DCC: variants seen among roughly 807,000 people sequenced by gnomAD.
The protein encoded by DCC is netrin receptor DCC.
Under a neutral mutation model 172.5 loss-of-function variants are expected in DCC, and 58 were observed. The ratio of observed to expected loss-of-function variants is 0.34; its 90% CI spans 0.27 to 0.42. DCC has a LOEUF of 0.42. Ranked by LOEUF, DCC falls within the 10% of genes least tolerant of loss-of-function variation. The probability of loss-of-function intolerance (pLI) is 1.00; values close to 1 mark genes in which losing one functional copy is unlikely to be tolerated. For missense variants in DCC, 1,740 were observed against 1,791.0 expected (o/e 0.97, Z 0.51); for synonymous variants, 709 against 644.5 (o/e 1.10, Z -1.52).
At chr18:52,539,441 A>G (rs1453569256) in intron 1 of DCC, among the ~76,000 whole-genome samples, 1 of 152,176 alleles carries the variant, frequency 6.6e-6, no homozygotes, top group Non-Finnish European at 1.5e-5. Flanking sequence ...AGGTGAGTGC[A>G]GGCCAGTGAG....
At chr18:53,291,930 T>C (rs2057009433) in intron 12 of DCC, among the ~76,000 whole-genome samples, 1 of 152,098 alleles carries the variant, frequency 6.6e-6, no homozygotes, top group Non-Finnish European at 1.5e-5. Context: ...CGTGAATACC[T>C]CCTAGAAATT....
chr18:53,367,927 T>A (rs2058023477), intron 15 of DCC, among the ~76,000 whole-genome samples: 1 of 152,204 alleles, frequency 6.6e-6, no homozygotes, highest in African/African-American at 2.4e-5. Flanking sequence ...CTTTTAAGGT[T>A]TGAGAGTGTA....
intron 26 of DCC, among the ~76,000 whole-genome samples, chr18:53,495,716 A>G (rs1283580718): frequency 6.6e-6 from 1 of 152,154 alleles, no homozygotes; most frequent in African/African-American, 2.4e-5. Flanking sequence ...AGTGTCTTCC[A>G]ACTTGGTTCC....
chr18:53,287,350 T>C (rs1465044904), intron 12 of DCC, among the ~76,000 whole-genome samples: 3 of 152,244 alleles, frequency 2.0e-5, no homozygotes, highest in South Asian at 2.1e-4. Flanking sequence ...TTCCATTGTA[T>C]GGATATACTA....
At chr18:53,394,550 T>C (rs1908791295) in intron 17 of DCC, among the ~76,000 whole-genome samples, 1 of 152,136 alleles carries the variant, frequency 6.6e-6, no homozygotes, top group Non-Finnish European at 1.5e-5. Context: ...TGAATTTCTA[T>C]TCAAAATATA....
chr18:52,986,918 G>A (rs1250176253), intron 5 of DCC, among the ~76,000 whole-genome samples: 2 of 151,532 alleles, frequency 1.3e-5, no homozygotes, highest in Non-Finnish European at 2.9e-5. Context: ...CGCCTCCCAG[G>A]CTCAAGTGAT....
At chr18:52,463,972 C>A (rs1988707307) in intron 1 of DCC, among the ~76,000 whole-genome samples, 1 of 152,204 alleles carries the variant, frequency 6.6e-6, no homozygotes, top group Non-Finnish European at 1.5e-5. Context: ...CGTCCCTTCA[C>A]AGTAGCCATT....
At chr18:52,366,141 C>T (rs1984840484) in intron 1 of DCC, among the ~76,000 whole-genome samples, 2 of 152,128 alleles carry the variant, frequency 1.3e-5, no homozygotes, top group Non-Finnish European at 1.5e-5. Flanking sequence ...TCTGTTTATG[C>T]TGACTCCTGA....
At chr18:52,775,021 G>A (rs117050424) in intron 2 of DCC, among the ~76,000 whole-genome samples, 5,205 of 152,212 alleles carry the variant, frequency 0.034, 129 homozygotes, top group Admixed American at 0.048. Flanking sequence ...GTTTTTTAAA[G>A]CCCGGTGAAG....
intron 1 of DCC, among the ~76,000 whole-genome samples, chr18:52,529,408 A>G (rs929709139): frequency 6.6e-6 from 1 of 152,096 alleles, no homozygotes; most frequent in Non-Finnish European, 1.5e-5. Context: ...CTCCTGCCTC[A>G]GCCTCCCGAG....
intron 1 of DCC, among the ~76,000 whole-genome samples, chr18:52,356,885 C>A (rs1426726086): frequency 6.6e-6 from 1 of 152,036 alleles, no homozygotes; most frequent in African/African-American, 2.4e-5. Context: ...TGGGTTCAAG[C>A]AATTCTCCTG....
intron 2 of DCC, among the ~76,000 whole-genome samples, chr18:52,837,773 A>G (rs754304808): frequency 6.6e-6 from 1 of 152,160 alleles, no homozygotes; most frequent in African/African-American, 2.4e-5. Context: ...TATGATACCA[A>G]TTTACTGTAT....
intron 2 of DCC, among the ~76,000 whole-genome samples, chr18:52,872,904 T>G (rs934428089): frequency 6.6e-6 from 1 of 152,180 alleles, no homozygotes; most frequent in Non-Finnish European, 1.5e-5. Flanking sequence ...TCTGGTCACT[T>G]CAAGTTAGAA....
intron 12 of DCC, among the ~76,000 whole-genome samples, chr18:53,272,393 G>C (rs1324119319): frequency 3.9e-5 from 6 of 152,088 alleles, no homozygotes; most frequent in African/African-American, 1.4e-4. Context: ...ATTCTCATTA[G>C]AGAATGATAC....
At position 53,531,883 on chromosome 18, in the gene DCC, G is replaced by A. The variant is rs550775940; in HGVS notation, c.*1230G>A. 1 of 152,330 alleles carries A rather than the reference G, an allele frequency of 6.6e-6. No individual in the cohort carries two copies. The highest frequency in any genetic ancestry group is 1.9e-4 in the East Asian group (1 of 5,180). The allele number at this position is 152,330 out of a possible 1,614,324, so 9.4% of individuals were successfully genotyped here. A position where few individuals can be genotyped will look rare whatever the true frequency, so the allele number is the denominator to read the frequency against. ...AGGTGCCACCTGACACTTCCGACAT[G>A]TAAATCCAGCAGATACTTTTCAAAG... On this transcript the variant is annotated 3_prime_UTR_variant, in exon 29 of 29. Coordinates refer to ENST00000442544, the MANE Select transcript of DCC (RefSeq NM_005215.4).
chr18:52,603,830 C>T (rs1462221140), intron 1 of DCC, among the ~76,000 whole-genome samples: 1 of 151,968 alleles, frequency 6.6e-6, no homozygotes, highest in Non-Finnish European at 1.5e-5. Context: ...AGAGCATATG[C>T]TTTTCCTTCT....
intron 1 of DCC, among the ~76,000 whole-genome samples, chr18:52,517,282 G>A (rs1001318116): frequency 6.6e-6 from 1 of 152,146 alleles, no homozygotes; most frequent in Non-Finnish European, 1.5e-5. Context: ...GATCTTTCTC[G>A]ATAGCTGCGG....
At chr18:53,441,031 A>G (rs1481623659) in intron 22 of DCC, among the ~76,000 whole-genome samples, 1 of 152,156 alleles carries the variant, frequency 6.6e-6, no homozygotes, top group Non-Finnish European at 1.5e-5. Context: ...GCCTTTACCC[A>G]CTGGATGCCA....
At chr18:52,562,496 T>C (rs2033062433) in intron 1 of DCC, among the ~76,000 whole-genome samples, 1 of 152,156 alleles carries the variant, frequency 6.6e-6, no homozygotes, top group Non-Finnish European at 1.5e-5. Context: ...ATATTTAATT[T>C]AATGGAAAAT....
Sources: gnomAD v4.1 joint callset for allele counts (sites outside exome capture counted in the v4.1 genomes callset) on GRCh38, gnomAD v4.1.1 for gene constraint, MANE v1.5 for transcripts, NCBI Gene and HGNC (gene_info 2026-07-23, HGNC 2026-07-21) for gene names.